Variants in RIMS1 observed in about 807,000 individuals in gnomAD.
RIMS1 encodes the protein regulating synaptic membrane exocytosis 1.
RIMS1 carries 83 observed loss-of-function variants against 214.1 expected under a neutral mutation model. The observed-to-expected ratio is 0.39, with a 90% confidence interval of 0.32 to 0.47. RIMS1 has a LOEUF of 0.47. RIMS1 is among the 20% of genes least tolerant of loss of function. The pLI is 0.99. For synonymous variants in RIMS1, 793 were observed against 786.8 expected, an observed-to-expected ratio of 1.01 and a Z score of -0.13; for missense variants, 2,050 against 2,161.8, an observed-to-expected ratio of 0.95 and a Z score of 1.03.
At chr6:72,322,222 G>A (rs1049383189) in intron 28 of RIMS1, among the ~76,000 whole-genome samples, 1 of 152,134 alleles carries the variant, frequency 6.6e-6, no homozygotes, top group African/African-American at 2.4e-5. Context: ...TTTAGCCCTG[G>A]AGCACCTTGA....
intron 2 of RIMS1, among the ~76,000 whole-genome samples, chr6:72,056,713 T>G (rs896441881): frequency 1.3e-5 from 2 of 152,212 alleles, no homozygotes; most frequent in Non-Finnish European, 2.9e-5. Flanking sequence ...AATATTTGTC[T>G]CAATCCTTAA....
chr6:71,916,716 T>G (rs1484081124), intron 1 of RIMS1, among the ~76,000 whole-genome samples: 1 of 152,154 alleles, frequency 6.6e-6, no homozygotes, highest in Non-Finnish European at 1.5e-5. Context: ...GCTCAGTTAG[T>G]AAATTTTATC....
At chr6:72,372,938 A>C (rs1354902838) in intron 29 of RIMS1, among the ~76,000 whole-genome samples, 1 of 152,280 alleles carries the variant, frequency 6.6e-6, no homozygotes, top group Non-Finnish European at 1.5e-5. Context: ...TAAAGGACAC[A>C]GTCCACTGCT....
chr6:71,981,010 A>G (rs1244463077), intron 2 of RIMS1, among the ~76,000 whole-genome samples: 4 of 152,152 alleles, frequency 2.6e-5, no homozygotes, highest in African/African-American at 9.6e-5. Flanking sequence ...TCCACAGAAA[A>G]GAAGATTCTG....
intron 27 of RIMS1, among the ~76,000 whole-genome samples, chr6:72,307,773 T>A (rs1206064812): frequency 2.6e-5 from 4 of 151,976 alleles, no homozygotes; most frequent in African/African-American, 7.2e-5. Flanking sequence ...AAAGGTATCA[T>A]TAAATGATAG....
chr6:72,393,118 T>C (rs2098727137), intron 31 of RIMS1, among the ~76,000 whole-genome samples: 1 of 147,302 alleles, frequency 6.8e-6, no homozygotes, highest in South Asian at 2.1e-4. Context: ...CAGTAAAGTA[T>C]AGTAACATAA....
At position 72,313,670 on chromosome 6, in the gene RIMS1, C is replaced by T; in HGVS notation, c.4128C>T (p.Ile1376=). ...SEQSERPRGR[I]SSFTPKMQGR... ...AATCTGAGCGCCCCAGGGGTAGAAT[C>T]AGGTGAGTTGGCAATACTGTTTATA... Residue 1376 remains isoleucine, a splice_region_variant and synonymous_variant, in exon 28 of 34, where the codon ATC becomes ATT. Coordinates refer to ENST00000521978, the MANE Select transcript of RIMS1 (RefSeq NM_014989.7). 2 of 1,611,190 alleles carry T rather than the reference C, an allele frequency of 1.2e-6. No individual in the cohort carries two copies. Among genetic ancestry groups the T allele is most frequent in the Non-Finnish European group, 1.7e-6 (2 of 1,178,400 alleles).
At chr6:72,296,340 G>T (rs936871796) in intron 26 of RIMS1, among the ~76,000 whole-genome samples, 1 of 151,772 alleles carries the variant, frequency 6.6e-6, no homozygotes, top group Non-Finnish European at 1.5e-5. Flanking sequence ...GGTAATACCT[G>T]GTAAAAGTAG....
intron 6 of RIMS1, among the ~76,000 whole-genome samples, chr6:72,203,329 A>G (rs2052366709): frequency 6.6e-6 from 1 of 152,144 alleles, no homozygotes; most frequent in African/African-American, 2.4e-5. Flanking sequence ...ATGCATAGAT[A>G]ATATATTTTA....
At chr6:72,182,217 A>C in intron 5 of RIMS1, 67 bp from the exon 6 acceptor site, 1 of 1,457,648 alleles carries the variant, frequency 6.9e-7, no homozygotes, top group Non-Finnish European at 9.2e-7. Context: ...TGGAATGAGA[A>C]GAAAACATGT....
intron 6 of RIMS1, among the ~76,000 whole-genome samples, chr6:72,193,440 C>T (rs1334270607): frequency 2.0e-5 from 3 of 152,196 alleles, no homozygotes; most frequent in Admixed American, 6.5e-5. Context: ...ATATTTTAAC[C>T]AATCTCAGCC....
chr6:71,979,988 G>T (rs1798097831), intron 2 of RIMS1, among the ~76,000 whole-genome samples: 1 of 152,056 alleles, frequency 6.6e-6, no homozygotes, highest in Non-Finnish European at 1.5e-5. Context: ...ATATTGCAAG[G>T]ATAAATAAAT....
chr6:72,180,014 G>A (rs2048202581), intron 5 of RIMS1, 99 bp downstream of exon 5: 2 of 776,882 alleles, frequency 2.6e-6, no homozygotes, highest in African/African-American at 3.5e-5. Flanking sequence ...ATATGTGGAA[G>A]TAGTACTTCT....
chr6:72,329,414 G>A (rs1477265613), intron 28 of RIMS1, among the ~76,000 whole-genome samples: 2 of 151,652 alleles, frequency 1.3e-5, no homozygotes, highest in East Asian at 3.9e-4. Context: ...GGGGAAAATG[G>A]AATACTAAAA....
chr6:72,291,993 G>A lies in RIMS1; in HGVS notation c.3797G>A (p.Arg1266His), dbSNP rs373941007. 1.7e-5 allele frequency: 26 copies of A among 1,564,066 alleles called. No individual in the cohort carries two copies. The highest frequency in any genetic ancestry group is 2.7e-5 in the African/African-American group (2 of 73,504). ...CCAGCAGACACATCGTTCAGCAGTC[G>A]CAGGGGAAGACAGCTCCCACAAGTG... ...SPPADTSFSSRRGRQLPQVPV... is the reference protein window; with the variant it reads ...SPPADTSFSSHRGRQLPQVPV... The change falls in exon 26 of 34, where the codon CGC becomes CAC. Residue 1266 changes from arginine to histidine, a missense_variant. Arg to His is a conservative substitution (Grantham distance 29). Transcript: ENST00000521978.
intron 2 of RIMS1, among the ~76,000 whole-genome samples, chr6:72,090,026 G>T (rs1172496741): frequency 8.5e-6 from 1 of 118,142 alleles, no homozygotes; most frequent in African/African-American, 3.2e-5. Flanking sequence ...GTGGTGGGGT[G>T]GGGGGAGGGG....
chr6:72,326,668 C>A (rs887365604), intron 28 of RIMS1, among the ~76,000 whole-genome samples: 2 of 151,716 alleles, frequency 1.3e-5, no homozygotes, highest in African/African-American at 4.8e-5. Flanking sequence ...ACTCCATACC[C>A]CCATTCCAGA....
intron 29 of RIMS1, among the ~76,000 whole-genome samples, chr6:72,335,236 C>T (rs2096799502): frequency 6.6e-6 from 1 of 151,968 alleles, no homozygotes; most frequent in Admixed American, 6.6e-5. Context: ...CCTAGGCCCC[C>T]ACCTGCTGAC....
chr6:72,339,742 C>T (rs1438450770), intron 29 of RIMS1, among the ~76,000 whole-genome samples: 2 of 152,016 alleles, frequency 1.3e-5, no homozygotes, highest in Non-Finnish European at 2.9e-5. Flanking sequence ...CCGCAATAAA[C>T]GTACGTGTGC....
Sources: gnomAD v4.1 joint callset for allele counts (sites outside exome capture counted in the v4.1 genomes callset) on GRCh38, gnomAD v4.1.1 for gene constraint, MANE v1.5 for transcripts, NCBI Gene and HGNC (gene_info 2026-07-23, HGNC 2026-07-21) for gene names.